TCEANC: variants seen among roughly 807,000 people sequenced by gnomAD.
TCEANC encodes the protein transcription elongation factor A N-terminal and central domain containing, also known as transcription elongation factor A N-terminal and central domain-containing protein.
Under a neutral mutation model 8.7 loss-of-function variants are expected in TCEANC, and 8 were observed. The observed-to-expected ratio is 0.92, with a 90% CI of 0.54 to 1.65. The LOEUF is 1.65. Ranked by LOEUF, TCEANC falls within the 40% of genes most tolerant of loss-of-function variation. The pLI is 0.00. For missense variants in TCEANC, 255 were observed against 251.9 expected, an observed-to-expected ratio of 1.01 and a Z score of -0.08; for synonymous variants, 78 against 92.9, an observed-to-expected ratio of 0.84 and a Z score of 0.92.
chrX:13,657,179 T>G (rs1368221055), intron 1 of TCEANC, among the ~76,000 whole-genome samples: 2 of 112,185 alleles, frequency 1.8e-5, no homozygotes, highest in African/African-American at 6.5e-5. Flanking sequence ...ATATGACAAG[T>G]GACATAAAAC....
At chrX:13,660,907 C>T (rs766631210) in intron 1 of TCEANC, among the ~76,000 whole-genome samples, 124 bp from the exon 4 acceptor site, 2 of 111,652 alleles carry the variant, frequency 1.8e-5, no homozygotes, top group African/African-American at 6.5e-5. Context: ...TGCAGTGGCA[C>T]GATCTTGGCT....
exon 2 of TCEANC, chrX:13,665,018 T>G (rs1482494906): frequency 8.1e-6 from 1 of 123,936 alleles, no homozygotes; most frequent in Non-Finnish European, 1.9e-5. Flanking sequence ...CTGACAGAAT[T>G]CTCCAAAACA....
At chrX:13,664,344 T>C (rs755344035) in exon 2 of TCEANC, 3 of 121,119 alleles carry the variant, frequency 2.5e-5, no homozygotes, top group African/African-American at 1.0e-4. Flanking sequence ...TTCCTGGAGG[T>C]CGGGGACAAA....
At chrX:13,653,977 T>C (rs1311663526), upstream of TCEANC, among the ~76,000 whole-genome samples, 1 of 112,309 alleles carries the variant, frequency 8.9e-6, no homozygotes, top group Non-Finnish European at 1.9e-5. Context: ...GCATCAGTTC[T>C]AGAACCGTGG....
At chrX:13,660,031 G>A (rs927978764) in intron 1 of TCEANC, among the ~76,000 whole-genome samples, 2 of 111,969 alleles carry the variant, frequency 1.8e-5, no homozygotes, top group Non-Finnish European at 3.8e-5. Flanking sequence ...CCATTTTTCA[G>A]TAGGTATATC....
exon 2 of TCEANC, chrX:13,663,190 G>A (rs768724105): frequency 1.7e-6 from 2 of 1,207,197 alleles, no homozygotes; most frequent in South Asian, 3.6e-5. Context: ...CAGAAGCAAA[G>A]TTGCCAATTT....
exon 2 of TCEANC, chrX:13,662,509 A>G: frequency 1.7e-6 from 2 of 1,198,823 alleles, no homozygotes; most frequent in Admixed American, 4.6e-5. Flanking sequence ...AGCTGTAAAG[A>G]TGTCTGACAA....
intron 1 of TCEANC, among the ~76,000 whole-genome samples, chrX:13,661,422 A>G (rs1241877829): frequency 8.9e-6 from 1 of 112,162 alleles, no homozygotes; most frequent in Non-Finnish European, 1.9e-5. Flanking sequence ...CTAAAAGGTC[A>G]TTATGTTTTA....
upstream of TCEANC, among the ~76,000 whole-genome samples, chrX:13,654,955 G>A (rs940735299): frequency 9.9e-5 from 11 of 110,960 alleles, no homozygotes; most frequent in African/African-American, 3.6e-4. Flanking sequence ...AAGCCAAGGG[G>A]CACTGGGCTT....
intron 1 of TCEANC, among the ~76,000 whole-genome samples, chrX:13,656,150 C>T (rs1447492038): frequency 3.6e-5 from 4 of 111,995 alleles, no homozygotes; most frequent in Non-Finnish European, 7.5e-5. Context: ...GGGTTTGGTG[C>T]CATCCTGCGT....
chrX:13,660,383 G>T (rs2045957123), intron 1 of TCEANC, among the ~76,000 whole-genome samples: 1 of 111,763 alleles, frequency 8.9e-6, no homozygotes, highest in Non-Finnish European at 1.9e-5. Context: ...ATCTTGAGAA[G>T]ATTTATGTGT....
chrX:13,659,276 T>A (rs1262475396), intron 1 of TCEANC, among the ~76,000 whole-genome samples: 1 of 112,079 alleles, frequency 8.9e-6, no homozygotes, highest in Non-Finnish European at 1.9e-5. Context: ...AGGATGGAGG[T>A]TTGCTAGGCA....
intron 1 of TCEANC, among the ~76,000 whole-genome samples, chrX:13,658,903 T>C (rs1329003922): frequency 8.9e-6 from 1 of 112,364 alleles, no homozygotes; most frequent in Non-Finnish European, 1.9e-5. Context: ...GGGCCATCAA[T>C]TCAGGATCTT....
At chrX:13,663,654 A>T in exon 2 of TCEANC, 1 of 815,309 alleles carries the variant, frequency 1.2e-6, no homozygotes, top group Non-Finnish European at 1.7e-6. Context: ...TATACACACT[A>T]CTCTCTAAAA....
intron 1 of TCEANC, among the ~76,000 whole-genome samples, chrX:13,662,155 C>T (rs986612357): frequency 9.0e-6 from 1 of 111,637 alleles, no homozygotes; most frequent in African/African-American, 3.3e-5. Context: ...ACATGACCAC[C>T]GGATTCCGCC....
chrX:13,654,612 A>C (rs756720688), upstream of TCEANC, among the ~76,000 whole-genome samples: 3 of 112,553 alleles, frequency 2.7e-5, no homozygotes, highest in South Asian at 1.1e-3. Flanking sequence ...GCCATAGTTC[A>C]AAGCACTTTA....
In TCEANC at chrX:13,663,484, C is replaced by G. The variant is rs1434693626; in HGVS notation, c.976C>G (p.Pro326Ala). 9 of 1,174,222 alleles carry G rather than the reference C, an allele frequency of 7.7e-6. No homozygotes were observed. The highest frequency in any genetic ancestry group is 1.8e-5 in the African/African-American group (1 of 56,251). The change falls in exon 2 of 2, where the codon CCA becomes GCA. Residue 326 changes from proline to alanine, a missense_variant. Coordinates refer to ENST00000380600, the Ensembl canonical transcript of TCEANC. ...TCCCAGCTGGGTGCGGAATTCAAACCCAGATGAACAAATGATGACTTACGT... is the reference window on the plus strand; with the variant it reads ...TCCCAGCTGGGTGCGGAATTCAAACGCAGATGAACAAATGATGACTTACGT...
In TCEANC at chrX:13,662,239, G is replaced by A. The variant is rs773946647; in HGVS notation, c.-8-262G>A. Among the ~76,000 whole-genome samples the A allele has an allele frequency of 4.5e-5, 5 of 111,619 alleles. No homozygotes were observed. In the East Asian group the frequency reaches 8.4e-4, roughly 19 times the overall value. On this transcript the variant is annotated intron_variant, in intron 1 of 1. Coordinates refer to ENST00000380600, the Ensembl canonical transcript of TCEANC. ...GTGGAAAAGCTATAGCAGATCCTCCGGCAAGCCTCTTAAGCAGATGTTATG... is the reference window on the plus strand; with the variant it reads ...GTGGAAAAGCTATAGCAGATCCTCCAGCAAGCCTCTTAAGCAGATGTTATG...
intron 1 of TCEANC, among the ~76,000 whole-genome samples, chrX:13,656,694 A>G (rs937728509): frequency 8.8e-6 from 1 of 113,114 alleles, no homozygotes; most frequent in East Asian, 2.7e-4. Context: ...GCCAGAAGCA[A>G]CTCAAGTATC....
Sources: gnomAD v4.1 joint callset for allele counts (sites outside exome capture counted in the v4.1 genomes callset) on GRCh38, gnomAD v4.1.1 for gene constraint, MANE v1.5 for transcripts, NCBI Gene and HGNC (gene_info 2026-07-23, HGNC 2026-07-21) for gene names.